ICE2: variants seen among roughly 807,000 people sequenced by gnomAD.
ICE2 encodes the protein little elongation complex subunit 2.
In ICE2, 87 loss-of-function variants were observed where a neutral mutation model predicts 105.4. That is an observed-to-expected ratio of 0.83 (90% confidence interval 0.69 to 0.99). The LOEUF (loss-of-function observed/expected upper bound fraction) is 0.99, where lower values mean the gene tolerates loss of function less well. Among genes scored for constraint, ICE2 ranks in the 50% least tolerant of loss-of-function variants. ICE2 has a pLI of 0.00. For synonymous variants in ICE2, 399 were observed against 392.0 expected, an observed-to-expected ratio of 1.02 and a Z score of -0.21; for missense variants, 1,323 against 1,146.7, an observed-to-expected ratio of 1.15 and a Z score of -2.22.
At position 60,448,777 on chromosome 15, in the gene ICE2, G is replaced by C. The variant is rs185347825; in HGVS notation, c.2119+71C>G. The C allele has an allele frequency of 2.7e-5, 35 of 1,296,328 alleles. 1 individual carries two copies. The Admixed American group carries it at 8.0e-4, about 30-fold the overall frequency. The allele number at this position is 1,296,328 out of a possible 1,614,324, so 80.3% of individuals were successfully genotyped here. On this transcript the variant is annotated intron_variant, in intron 10 of 15. Transcript: ENST00000261520. Reference sequence around the variant, plus strand: ...CAAAACAGGTTATGACAAAGTAAAGGAACGAGGGAGAAAAACCTAAGGAAA... The same window carrying C: ...CAAAACAGGTTATGACAAAGTAAAGCAACGAGGGAGAAAAACCTAAGGAAA...
In ICE2 at chr15:60,419,829, T is replaced by A. The variant is rs551518078; in HGVS notation, c.*3805A>T. On this transcript the variant is annotated 3_prime_UTR_variant, in exon 16 of 16. Transcript: ENST00000261520. ...ACAGATGCAGTATGCTAATGAAAAG[T>A]TAAAGTTTTCTTTCCTCTCCCTCCC... 4.6e-5 allele frequency: 7 copies of A among 152,186 alleles called. No homozygotes were observed. Among genetic ancestry groups the A allele is most frequent in the Non-Finnish European group, 1.5e-5 (1 of 68,036 alleles). The allele number at this position is 152,186 out of a possible 1,614,324, so 9.4% of individuals were successfully genotyped here. A position where few individuals can be genotyped will look rare whatever the true frequency, so the allele number is the denominator to read the frequency against.
chr15:60,478,901 C>G, intron 1 of ICE2, 102 bp downstream of exon 1: 1 of 453,786 alleles, frequency 2.2e-6, no homozygotes, highest in South Asian at 1.6e-5. Flanking sequence ...GGTCCTGGCC[C>G]GGCCGCCATG....
At chr15:60,466,539 A>ATGC (rs1567007005) in intron 5 of ICE2, 55 bp downstream of exon 5, 11 of 1,590,330 alleles carry the variant, frequency 6.9e-6, no homozygotes, top group Non-Finnish European at 9.4e-6. Flanking sequence ...ATATTTCAGA[A>ATGC]TGCTGCTATT....
intron 14 of ICE2, among the ~76,000 whole-genome samples, chr15:60,429,538 A>T (rs566984554): frequency 6.6e-6 from 1 of 152,330 alleles, no homozygotes; most frequent in Admixed American, 6.5e-5. Context: ...AACTAAAGGG[A>T]TATGAATAAA....
At position 60,460,657 on chromosome 15, in the gene ICE2, T is replaced by A. The variant is rs1241679519; in HGVS notation, c.529-3863A>T. On this transcript the variant is annotated intron_variant, in intron 5 of 15. Coordinates refer to ENST00000261520, the MANE Select transcript of ICE2 (RefSeq NM_024611.6). ...TGTAGTGTTAGGCTGTCCAGTACAC[T>A]GTAGGATATTTAGTAGCACCTCTGG... 3.5e-4 allele frequency among the ~76,000 whole-genome samples: 54 copies of A among 152,214 alleles called. 1 individual carries two copies. Among genetic ancestry groups the A allele is most frequent in the Non-Finnish European group, 1.5e-5 (1 of 68,040 alleles).
Position 60,449,221 on chromosome 15 carries a change from T to C in ICE2, c.1746A>G (p.Thr582=), listed in dbSNP as rs762014227. The C allele has an allele frequency of 3.0e-5, 48 of 1,613,956 alleles. No homozygotes were observed. The highest frequency in any genetic ancestry group is 4.0e-5 in the Non-Finnish European group (47 of 1,180,010). ...DTDEECLIID[T]ECKNNSDGKT... ...TTCCATCACTATTATTTTTACATTC[T>C]GTATCAATGATTAAACACTCCTCAT... Residue 582 remains threonine, a synonymous_variant, in exon 10 of 16, where the codon ACA becomes ACG. Coordinates refer to ENST00000261520, the MANE Select transcript of ICE2 (RefSeq NM_024611.6).
intron 13 of ICE2, among the ~76,000 whole-genome samples, chr15:60,435,137 T>C (rs1011408916): frequency 6.6e-6 from 1 of 151,468 alleles, no homozygotes; most frequent in East Asian, 2.0e-4. Context: ...AAAACTTAGC[T>C]GGGTGTGGTG....
chr15:60,455,368 A>G lies in ICE2; in HGVS notation c.741T>C (p.Ala247=), dbSNP rs2064077123. Residue 247 remains alanine (A), a synonymous_variant, in exon 7 of 16, where the codon GCT becomes GCC. Coordinates refer to ENST00000261520, the MANE Select transcript of ICE2 (RefSeq NM_024611.6). ...IKLQLSKDDI[A]TIETSEQTAE... ...CTGTTTGTTCTGACGTTTCAATGGT[A>G]GCTATATCGTCCTTTGACAGCTGCA... 6.2e-7 allele frequency: 1 copy of G among 1,613,986 alleles called. No individual in the cohort carries two copies. The highest frequency in any genetic ancestry group is 8.5e-7 in the Non-Finnish European group (1 of 1,179,912).
chr15:60,455,183 T>C, intron 7 of ICE2, 21 bp from the exon 8 acceptor site: 3 of 1,556,054 alleles, frequency 1.9e-6, no homozygotes, highest in South Asian at 2.5e-5. Flanking sequence ...ACAAGTAATT[T>C]GTTACTTGGT....
chr15:60,465,492 A>T (rs1226227624), intron 5 of ICE2, among the ~76,000 whole-genome samples: 1 of 152,072 alleles, frequency 6.6e-6, no homozygotes, highest in East Asian at 1.9e-4. Context: ...CGGACTTTTT[A>T]AAAAAACAGT....
intron 5 of ICE2, among the ~76,000 whole-genome samples, chr15:60,460,976 G>A (rs1323091393): frequency 3.9e-5 from 6 of 152,038 alleles, no homozygotes; most frequent in Non-Finnish European, 5.9e-5. Context: ...TCCTTGTTGC[G>A]GGGGACATCA....
rs374415363 is a variant in ICE2, at chr15:60,421,517, GGATAA to G, written c.*2112_*2116del. ...TATATATGATGTTATTCAAATACATGGATAAGATAACACATTTTATGATGTAAAAA... is the reference window on the plus strand; with the variant it reads ...TATATATGATGTTATTCAAATACATGGATAACACATTTTATGATGTAAAAA... On this transcript the variant is annotated 3_prime_UTR_variant, in exon 16 of 16. Coordinates refer to ENST00000261520, the MANE Select transcript of ICE2 (RefSeq NM_024611.6). The G allele has an allele frequency of 2.0e-5, 3 of 152,060 alleles. No homozygotes were observed. The highest frequency in any genetic ancestry group is 6.5e-5 in the Admixed American group (1 of 15,276). 9.4% of individuals were successfully genotyped at this position (152,060 alleles called of 1,614,324 possible).
At chr15:60,456,932 ATTGT>A (rs1344253425) in intron 5 of ICE2, 138 bp from the exon 6 acceptor site, 124 of 374,444 alleles carry the variant, frequency 3.3e-4, no homozygotes, top group African/African-American at 2.5e-3. Flanking sequence ...TAATACACAC[ATTGT>A]ATATTCTTTA....
At chr15:60,431,787 C>A (rs956294304) in intron 14 of ICE2, 147 bp downstream of exon 14, 3 of 458,226 alleles carry the variant, frequency 6.5e-6, no homozygotes, top group East Asian at 4.7e-5. Flanking sequence ...TATATTTTTA[C>A]AATATAAATG....
chr15:60,449,819 C>T lies in ICE2; in HGVS notation c.1148G>A (p.Cys383Tyr). The T allele has an allele frequency of 2.5e-6, 4 of 1,612,932 alleles. No individual in the cohort carries two copies. Among genetic ancestry groups the T allele is most frequent in the Non-Finnish European group, 3.4e-6 (4 of 1,179,574 alleles). The change falls in exon 10 of 16, where the codon TGC (cysteine) becomes TAC (tyrosine). Residue 383 changes from cysteine (C) to tyrosine (Y), a missense_variant. By Grantham distance (194) the Cys-to-Tyr change is radical (BLOSUM62 -2). Coordinates refer to ENST00000261520, the MANE Select transcript of ICE2 (RefSeq NM_024611.6). ...EMDMSCEVNECRKIESLENLY... is the reference protein window; with the variant it reads ...EMDMSCEVNEYRKIESLENLY... ...GTTTTCAAGACTCTCAATTTTTCGGCACTCGTTGACTTCACAGGACATCTT... is the reference window on the plus strand; with the variant it reads ...GTTTTCAAGACTCTCAATTTTTCGGTACTCGTTGACTTCACAGGACATCTT...
intron 3 of ICE2, among the ~76,000 whole-genome samples, chr15:60,474,889 A>G (rs1034411069): frequency 7.9e-5 from 12 of 152,216 alleles, no homozygotes; most frequent in African/African-American, 2.9e-4. Flanking sequence ...TGGGAGGCCA[A>G]GTTGGAGAAT....
intron 11 of ICE2, among the ~76,000 whole-genome samples, chr15:60,443,620 T>C (rs944036550): frequency 2.0e-5 from 3 of 152,238 alleles, no homozygotes; most frequent in African/African-American, 4.8e-5. Flanking sequence ...TAACAAGCTA[T>C]TGTTCCAGGG....
chr15:60,466,847 G>T, intron 4 of ICE2, 134 bp from the exon 5 acceptor site: 1 of 754,362 alleles, frequency 1.3e-6, no homozygotes, highest in Non-Finnish European at 2.1e-6. Flanking sequence ...AATCAAAGAA[G>T]TCAGTAAAAA....
At position 60,428,670 on chromosome 15, in the gene ICE2, T is replaced by C. The variant is rs751140827; in HGVS notation, c.2579A>G (p.Tyr860Cys). The change falls in exon 15 of 16, where the codon TAC (tyrosine) becomes TGC (cysteine). Residue 860 changes from tyrosine (Y) to cysteine (C), a missense_variant. Tyr to Cys is a radical substitution (Grantham distance 194). Coordinates refer to ENST00000261520, the MANE Select transcript of ICE2 (RefSeq NM_024611.6). ...KKLSSLQEGS[Y>C]LLSHAAEDSS... The stretch of plus-strand genomic sequence containing the variant: ...ATCTTCTGCTGCATGAGATAACAAG[T>C]AGGAACCCTCCTGCAAGCTAAATTC... 2 of 1,613,720 alleles carry C rather than the reference T, an allele frequency of 1.2e-6. No homozygotes were observed. Among genetic ancestry groups the C allele is most frequent in the Non-Finnish European group, 1.7e-6 (2 of 1,179,670 alleles).
Sources: gnomAD v4.1 joint callset for allele counts (sites outside exome capture counted in the v4.1 genomes callset) on GRCh38, gnomAD v4.1.1 for gene constraint, MANE v1.5 for transcripts, NCBI Gene and HGNC (gene_info 2026-07-23, HGNC 2026-07-21) for gene names.